CCDC60: variants seen among roughly 807,000 people sequenced by gnomAD.
CCDC60 encodes coiled-coil domain containing 60.
CCDC60 carries 54 observed loss-of-function variants against 63.5 expected under a neutral mutation model. The ratio of observed to expected loss-of-function variants is 0.85; its 90% confidence interval spans 0.68 to 1.07. The LOEUF is 1.07. Among genes scored for constraint, CCDC60 ranks in the 50% least tolerant of loss-of-function variants. The pLI, the probability that CCDC60 is intolerant of heterozygous loss-of-function variation, is 0.00. For missense variants in CCDC60, 651 were observed against 684.3 expected, an observed-to-expected ratio of 0.95 and a Z score of 0.54; for synonymous variants, 206 against 238.8, an observed-to-expected ratio of 0.86 and a Z score of 1.27.
chr12:119,350,750 G>A (rs1486985943), intron 1 of CCDC60, among the ~76,000 whole-genome samples: 1 of 152,108 alleles, frequency 6.6e-6, no homozygotes, highest in African/African-American at 2.4e-5. Flanking sequence ...TCTACCAGCT[G>A]TGCACTCCCC....
intron 2 of CCDC60, chr12:119,433,312 G>A (rs1950265853): frequency 4.5e-6 from 3 of 673,694 alleles, no homozygotes; most frequent in Non-Finnish European, 8.1e-6. Context: ...CAGTTGGTCA[G>A]CTGAGTCTGT....
chr12:119,440,915 A>G (rs1489825960), intron 2 of CCDC60, among the ~76,000 whole-genome samples: 1 of 151,962 alleles, frequency 6.6e-6, no homozygotes, highest in Non-Finnish European at 1.5e-5. Context: ...TAAATAAGCT[A>G]ATACATGCAA....
At chr12:119,422,140 G>A (rs1219862761) in intron 1 of CCDC60, among the ~76,000 whole-genome samples, 2 of 152,160 alleles carry the variant, frequency 1.3e-5, no homozygotes, top group African/African-American at 4.8e-5. Flanking sequence ...ACTTGACTTT[G>A]TTTTCTAGGA....
intron 5 of CCDC60, among the ~76,000 whole-genome samples, chr12:119,495,598 A>G (rs1951700343): frequency 6.6e-6 from 1 of 152,198 alleles, no homozygotes; most frequent in Admixed American, 6.5e-5. Flanking sequence ...TCCATGAAAT[A>G]CTGTCGCAAT....
intron 4 of CCDC60, among the ~76,000 whole-genome samples, chr12:119,486,594 G>A (rs767579282): frequency 3.3e-5 from 5 of 152,174 alleles, no homozygotes; most frequent in African/African-American, 4.8e-5. Flanking sequence ...AATAGTAGGC[G>A]CTTAGTAGAT....
chr12:119,479,138 C>G lies in CCDC60; in HGVS notation c.386C>G (p.Thr129Arg). Reference protein sequence around the residue: ...EKLKTLGARVTRRPFTPIHSC... With the variant: ...EKLKTLGARVRRRPFTPIHSC... ...TTGAAGACACTGGGAGCTAGAGTCA[C>G]ACGTCGCCCATTCACTCCCATCCAC... Residue 129 changes from threonine to arginine, a missense_variant, in exon 4 of 14, where the codon ACA (threonine) becomes AGA (arginine). Coordinates refer to ENST00000327554, the MANE Select transcript of CCDC60 (RefSeq NM_178499.5). The G allele has an allele frequency of 6.2e-7, 1 of 1,614,108 alleles. No homozygotes were observed. Among genetic ancestry groups the G allele is most frequent in the Non-Finnish European group, 8.5e-7 (1 of 1,179,992 alleles).
At position 119,520,110 on chromosome 12, in the gene CCDC60, T is replaced by C; in HGVS notation, c.969-11T>C. 6 of 1,612,816 alleles carry C rather than the reference T, an allele frequency of 3.7e-6. No homozygotes were observed. The highest frequency in any genetic ancestry group is 5.1e-6 in the Non-Finnish European group (6 of 1,179,474). On this transcript the variant is annotated splice_polypyrimidine_tract_variant and intron_variant, in intron 8 of 13. Transcript: ENST00000327554. Reference sequence around the variant, plus strand: ...TCAGCGCCTTGTTAAAGGACTCATTTTGCCTTGCAGCATCTTGTCAGTGCT... The same window carrying C: ...TCAGCGCCTTGTTAAAGGACTCATTCTGCCTTGCAGCATCTTGTCAGTGCT...
rs1953142921 is a variant in CCDC60 at position 119,540,818 on chromosome 12, C to T, written c.*103C>T. The T allele has an allele frequency of 1.3e-6, 1 of 785,850 alleles. No homozygotes were observed. The allele number at this position is 785,850 out of a possible 1,614,324, so 48.7% of individuals were successfully genotyped here. A position where few individuals can be genotyped will look rare whatever the true frequency, so the allele number is the denominator to read the frequency against. On this transcript the variant is annotated 3_prime_UTR_variant, in exon 14 of 14. Coordinates refer to ENST00000327554, the MANE Select transcript of CCDC60 (RefSeq NM_178499.5). ...TGCCTCCTGACTACCCTCATGGATG[C>T]TCTTTATGGATGACCCTTTACAGTA...
intron 4 of CCDC60, among the ~76,000 whole-genome samples, chr12:119,480,373 A>G (rs1197440306): frequency 3.3e-5 from 5 of 152,326 alleles, no homozygotes; most frequent in Non-Finnish European, 5.9e-5. Context: ...ATCACCACAC[A>G]CTACATAGAA....
Position 119,531,572 on chromosome 12 carries a change from G to A in CCDC60, c.1551+509G>A, listed in dbSNP as rs539029070. On this transcript the variant is annotated intron_variant, in intron 13 of 13. Coordinates refer to ENST00000327554, the MANE Select transcript of CCDC60 (RefSeq NM_178499.5). ...GGCAAGACCAGAATCATGAGAAGAC[G>A]GCACCATGAAGAGAAAGGGAAAGAG... 3.5e-4 allele frequency among the ~76,000 whole-genome samples: 53 copies of A among 152,220 alleles called. 1 individual carries two copies. In the South Asian group the frequency reaches 9.6e-3, roughly 27 times the overall value.
At chr12:119,519,857 T>C (rs111831963) in intron 8 of CCDC60, among the ~76,000 whole-genome samples, 2 of 143,336 alleles carry the variant, frequency 1.4e-5, no homozygotes, top group East Asian at 4.2e-4. Flanking sequence ...AGAGAGAGAG[T>C]GTGTGTGTGT....
At chr12:119,407,540 A>C (rs1593042953) in intron 1 of CCDC60, among the ~76,000 whole-genome samples, 2 of 152,230 alleles carry the variant, frequency 1.3e-5, no homozygotes, top group East Asian at 3.9e-4. Flanking sequence ...TCAAAAATAA[A>C]TTAATTAATT....
chr12:119,482,023 A>G, intron 4 of CCDC60, among the ~76,000 whole-genome samples: 1 of 147,022 alleles, frequency 6.8e-6, no homozygotes, highest in Middle Eastern at 3.6e-3. Flanking sequence ...ATATATGTAT[A>G]TATGTGTGTA....
At chr12:119,488,709 A>T in intron 4 of CCDC60, 50 bp from the exon 5 acceptor site, 1 of 1,525,224 alleles carries the variant, frequency 6.6e-7, no homozygotes, top group Non-Finnish European at 9.1e-7. Flanking sequence ...TTTTGCGAAG[A>T]AAGTTGTTCT....
chr12:119,488,878 C>T lies in CCDC60; in HGVS notation c.557+12C>T. 6.2e-7 allele frequency: 1 copy of T among 1,601,116 alleles called. No homozygotes were observed. Among genetic ancestry groups the T allele is most frequent in the South Asian group, 1.1e-5 (1 of 90,828 alleles). ...TGCTGGAACCCAAAGTATGCCTCAG[C>T]CCTTCAACTTGTCTTAGACTAGCAG... On this transcript the variant is annotated intron_variant, in intron 5 of 13. Transcript: ENST00000327554.
chr12:119,353,063 G>C (rs544259404), intron 1 of CCDC60, among the ~76,000 whole-genome samples: 5 of 152,296 alleles, frequency 3.3e-5, no homozygotes, highest in Admixed American at 6.5e-5. Context: ...GAGCATTTGA[G>C]AGGGTGGAGT....
chr12:119,389,384 TG>T (rs1349549002), intron 1 of CCDC60, among the ~76,000 whole-genome samples: 1 of 152,146 alleles, frequency 6.6e-6, no homozygotes, highest in Non-Finnish European at 1.5e-5. Flanking sequence ...AGGGCAGAGT[TG>T]TACAAGAGAC....
chr12:119,371,873 G>A (rs1565974635), intron 1 of CCDC60, among the ~76,000 whole-genome samples: 1 of 152,178 alleles, frequency 6.6e-6, no homozygotes, highest in Non-Finnish European at 1.5e-5. Context: ...GGCTTGTGCT[G>A]AGTCTCTGTG....
chr12:119,517,118 G>A (rs1952374213), intron 8 of CCDC60, among the ~76,000 whole-genome samples: 1 of 152,006 alleles, frequency 6.6e-6, no homozygotes, highest in African/African-American at 2.4e-5. Flanking sequence ...CTCCCACGTA[G>A]CTGGGACTAC....
Sources: gnomAD v4.1 joint callset for allele counts (sites outside exome capture counted in the v4.1 genomes callset) on GRCh38, gnomAD v4.1.1 for gene constraint, MANE v1.5 for transcripts, NCBI Gene and HGNC (gene_info 2026-07-23, HGNC 2026-07-21) for gene names.